The following BSN variants were observed in gnomAD, a reference collection of about 807,000 sequenced individuals.
BSN encodes the protein protein bassoon.
In BSN, 57 loss-of-function variants were observed where a neutral mutation model predicts 264.8. The ratio of observed to expected loss-of-function variants is 0.22; its 90% CI spans 0.17 to 0.27. BSN has a LOEUF of 0.27. Ranked by LOEUF, BSN falls within the 10% of genes least tolerant of loss-of-function variation. The probability of loss-of-function intolerance (pLI) is 1.00; values close to 1 mark genes in which losing one functional copy is unlikely to be tolerated. For missense variants in BSN, 4,615 were observed against 5,232.5 expected, an observed-to-expected ratio of 0.88 and a Z score of 3.64; for synonymous variants, 2,059 against 2,137.3, an observed-to-expected ratio of 0.96 and a Z score of 1.01.
chr3:49,574,880 C>T (rs1316652612), intron 1 of BSN, among the ~76,000 whole-genome samples: 1 of 151,754 alleles, frequency 6.6e-6, no homozygotes, highest in African/African-American at 2.4e-5. Context: ...TCAAGTGATC[C>T]GCCTGCCTTG....
intron 1 of BSN, among the ~76,000 whole-genome samples, chr3:49,613,348 G>GAGAGA (rs1448553549): frequency 1.3e-5 from 2 of 148,684 alleles, no homozygotes; most frequent in African/African-American, 2.5e-5. Flanking sequence ...GAGAGAGAGA[G>GAGAGA]AAGGGCTGGC....
rs1180838225 is a variant in BSN, at chr3:49,642,957, C to T, written c.1323C>T (p.Gly441=). 6.2e-7 allele frequency: 1 copy of T among 1,614,112 alleles called. No individual in the cohort carries two copies. The highest frequency in any genetic ancestry group is 1.1e-5 in the South Asian group (1 of 91,086). The change falls in exon 3 of 12, where the codon GGC becomes GGT. Residue 441 remains glycine, a synonymous_variant. Coordinates refer to ENST00000296452, the MANE Select transcript of BSN (RefSeq NM_003458.4). This position sits in a 1 kb window ranked among gnomAD's most constrained non-coding sequence, Gnocchi z 7.0. ...KTGGTTSPKH[G]RAEHQAASKA... ...GGGGAACAACCAGTCCAAAGCATGGCAGAGCAGAACATCAGGCAGCATCGA... is the reference window on the plus strand; with the variant it reads ...GGGGAACAACCAGTCCAAAGCATGGTAGAGCAGAACATCAGGCAGCATCGA...
intron 3 of BSN, among the ~76,000 whole-genome samples, chr3:49,646,976 G>A (rs748088142): frequency 1.4e-4 from 21 of 152,338 alleles, no homozygotes; most frequent in Admixed American, 9.1e-4. Flanking sequence ...CTGTGGTCCA[G>A]TGTCCTCCAA....
chr3:49,592,619 C>T (rs1289265972), intron 1 of BSN, among the ~76,000 whole-genome samples: 4 of 150,938 alleles, frequency 2.7e-5, no homozygotes, highest in Admixed American at 6.6e-5. Flanking sequence ...GGCGTGGTGG[C>T]GGGCGCCTGT....
At chr3:49,665,343 T>G (rs1304407158) in intron 11 of BSN, 25 bp downstream of exon 11, 1 of 152,964 alleles carries the variant, frequency 6.5e-6, no homozygotes, top group Non-Finnish European at 1.5e-5. Flanking sequence ...CAGGGTGAGA[T>G]GGGCCGGAGG....
At chr3:49,605,898 G>GAGATATAAATATATTTATA (rs1169981252) in intron 1 of BSN, among the ~76,000 whole-genome samples, 1 of 80,098 alleles carries the variant, frequency 1.2e-5, no homozygotes, top group Non-Finnish European at 2.1e-5. Flanking sequence ...ATATATTTAT[G>GAGATATAAATATATTTATA]TCTATATAAA....
chr3:49,651,330 A>G lies in BSN; in HGVS notation c.1987-213A>G. The stretch of plus-strand genomic sequence containing the variant: ...GGGTTTTGATACCCTTTGATCTAGT[A>G]AAGTTTCTCTTTGAAGACCAAGGGC... On this transcript the variant is annotated intron_variant, in intron 4 of 11. Transcript: ENST00000296452. This position sits in a 1 kb window ranked among gnomAD's most constrained non-coding sequence, Gnocchi z 5.4. The G allele has an allele frequency of 1.6e-6, 1 of 644,812 alleles. No individual in the cohort carries two copies. Among genetic ancestry groups the G allele is most frequent in the Non-Finnish European group, 2.6e-6 (1 of 390,500 alleles). 39.9% of individuals were successfully genotyped at this position (644,812 alleles called of 1,614,324 possible). A position where few individuals can be genotyped will look rare whatever the true frequency, so the allele number is the denominator to read the frequency against.
chr3:49,656,291 C>T lies in BSN; in HGVS notation c.6735C>T (p.Pro2245=), dbSNP rs2052598927. 2.5e-6 allele frequency: 4 copies of T among 1,613,260 alleles called. No individual in the cohort carries two copies. Among genetic ancestry groups the T allele is most frequent in the Non-Finnish European group, 3.4e-6 (4 of 1,179,932 alleles). The change falls in exon 5 of 12, where the codon CCC becomes CCT. Residue 2245 remains proline, a synonymous_variant. Coordinates refer to ENST00000296452, the MANE Select transcript of BSN (RefSeq NM_003458.4). ...AVPLTSLTRV[P]MIAPRVPLGP... is the part of the protein sequence containing the mutation. ...CACTCACCAGTCTGACACGTGTGCCCATGATTGCCCCCCGGGTACCTCTTG... is the reference window on the plus strand; with the variant it reads ...CACTCACCAGTCTGACACGTGTGCCTATGATTGCCCCCCGGGTACCTCTTG...
intron 2 of BSN, among the ~76,000 whole-genome samples, chr3:49,637,728 CA>C (rs2052429628): frequency 6.6e-6 from 1 of 152,238 alleles, no homozygotes; most frequent in African/African-American, 2.4e-5. Context: ...CCCTAGCAGA[CA>C]GGTGGCAGTG....
At chr3:49,630,119 C>T (rs1203531090) in intron 2 of BSN, among the ~76,000 whole-genome samples, 1 of 152,252 alleles carries the variant, frequency 6.6e-6, no homozygotes, top group East Asian at 1.9e-4. Flanking sequence ...CAGTACAGAT[C>T]CCTCTGCTAC....
chr3:49,554,558 C>A lies in BSN; in HGVS notation c.-45C>A. ...GTGAGCACCGCCCGGGAGCCGCCGG[C>A]CCGGGCGCAGCGCGACCCCGACCCC... On this transcript the variant is annotated 5_prime_UTR_variant, in exon 1 of 12. Coordinates refer to ENST00000296452, the MANE Select transcript of BSN (RefSeq NM_003458.4). The A allele has an allele frequency of 2.5e-6, 2 of 784,398 alleles. No homozygotes were observed. Among genetic ancestry groups the A allele is most frequent in the Non-Finnish European group, 3.1e-6 (2 of 646,662 alleles). 48.6% of individuals were successfully genotyped at this position (784,398 alleles called of 1,614,324 possible).
At position 49,660,621 on chromosome 3, in the gene BSN, G is replaced by A. The variant is rs978371872; in HGVS notation, c.8776G>A (p.Gly2926Arg). Residue 2926 changes from glycine to arginine, a missense_variant, in exon 6 of 12, where the codon GGG (glycine) becomes AGG (arginine). By Grantham distance (125) the Gly-to-Arg change is moderately radical. Transcript: ENST00000296452. This position sits in a 1 kb window ranked among gnomAD's most constrained non-coding sequence, Gnocchi z 7.1. ...GTATGCAGCCAGCCTGCTGCAGCGA[G>A]GGCTGACGGGGCCCACCACTGTCCC... ...QLYAASLLQR[G>R]LTGPTTVPAT... 9.9e-6 allele frequency: 16 copies of A among 1,612,858 alleles called. No individual in the cohort carries two copies. In the Admixed American group the frequency reaches 1.8e-4, roughly 18 times the overall value.
intron 1 of BSN, among the ~76,000 whole-genome samples, chr3:49,570,442 C>T (rs2051787151): frequency 2.6e-5 from 4 of 152,176 alleles, no homozygotes. Context: ...TCCATGCTGT[C>T]ATTGGTACTT....
chr3:49,585,661 T>G lies in BSN; in HGVS notation c.224+30835T>G, dbSNP rs529745953. Among the ~76,000 whole-genome samples the G allele has an allele frequency of 1.3e-4, 20 of 152,384 alleles. No individual in the cohort carries two copies. Among genetic ancestry groups the G allele is most frequent in the African/African-American group, 4.6e-4 (19 of 41,598 alleles). ...CTGCGTCTAACCCCAATTTTTAGTT[T>G]TTTGAGAAACCTCCAAACTGTTCTT... On this transcript the variant is annotated intron_variant, in intron 1 of 11. Coordinates refer to ENST00000296452, the MANE Select transcript of BSN (RefSeq NM_003458.4). The surrounding 1 kb of genome is among the most constrained non-coding windows in gnomAD (Gnocchi z 4.7).
intron 1 of BSN, among the ~76,000 whole-genome samples, chr3:49,599,736 C>T (rs2052056993): frequency 6.6e-6 from 1 of 152,198 alleles, no homozygotes; most frequent in African/African-American, 2.4e-5. Context: ...ACACCAGCCC[C>T]TTCTCTCCAC....
intron 2 of BSN, among the ~76,000 whole-genome samples, chr3:49,633,590 T>TAA (rs2052398032): frequency 6.6e-6 from 1 of 152,166 alleles, no homozygotes; most frequent in East Asian, 1.9e-4. Flanking sequence ...TACACTCAAA[T>TAA]GAATTGAAAG....
intron 1 of BSN, among the ~76,000 whole-genome samples, chr3:49,557,814 C>T (rs900421158): frequency 3.9e-5 from 6 of 152,174 alleles, no homozygotes; most frequent in Admixed American, 1.3e-4. Context: ...ATCTACCTGC[C>T]TCGGCCTCCC....
At chr3:49,624,299 C>CATTTTTTTTT (rs1427835739) in intron 1 of BSN, among the ~76,000 whole-genome samples, 1 of 23,358 alleles carries the variant, frequency 4.3e-5, no homozygotes, top group East Asian at 6.8e-3. Flanking sequence ...ACGTGCCCAG[C>CATTTTTTTTT]CTTTTTTTTT....
intron 1 of BSN, among the ~76,000 whole-genome samples, chr3:49,621,484 G>C (rs934404582): frequency 6.6e-6 from 1 of 152,146 alleles, no homozygotes; most frequent in East Asian, 1.9e-4. Context: ...TGGTATTCCC[G>C]AAGGCAAATA....
Sources: allele counts gnomAD v4.1 joint callset (sites outside exome capture counted in the v4.1 genomes callset), GRCh38; gene constraint gnomAD v4.1.1; non-coding constraint Gnocchi (gnomAD v3.1); transcripts MANE v1.5; gene names NCBI Gene and HGNC (gene_info 2026-07-23, HGNC 2026-07-21).